Variants in GNB4 observed in about 807,000 individuals in gnomAD.
GNB4 encodes G protein subunit beta 4, also known as guanine nucleotide-binding protein subunit beta-4.
Under a neutral mutation model 45.2 loss-of-function variants are expected in GNB4, and 28 were observed. The ratio of observed to expected loss-of-function variants is 0.62; its 90% CI spans 0.46 to 0.85. GNB4 has a LOEUF of 0.85. Among genes scored for constraint, GNB4 ranks in the 40% least tolerant of loss-of-function variants. The pLI is 0.00. For synonymous variants in GNB4, 132 were observed against 143.7 expected (o/e 0.92, Z 0.58); for missense variants, 321 against 425.4 (o/e 0.75, Z 2.16).
chr3:179,441,914 TCTC>T (rs1187331420), intron 1 of GNB4, among the ~76,000 whole-genome samples: 4 of 151,872 alleles, frequency 2.6e-5, no homozygotes, highest in Non-Finnish European at 5.9e-5. Flanking sequence ...TTCAAGCAAT[TCTC>T]CTGCCTCAGC....
upstream of GNB4, among the ~76,000 whole-genome samples, chr3:179,451,943 T>C (rs141845546): frequency 5.4e-3 from 825 of 152,266 alleles, 8 homozygotes; most frequent in African/African-American, 0.019. Context: ...AACCTTGCGT[T>C]GCAGTCCCCG....
At chr3:179,422,463 G>GAAAA (rs1164930213) in intron 2 of GNB4, among the ~76,000 whole-genome samples, 1 of 130,330 alleles carries the variant, frequency 7.7e-6, no homozygotes, top group African/African-American at 2.9e-5. Context: ...CCTGTCTCTG[G>GAAAA]AAAAAAAAAA....
At chr3:179,444,528 C>T (rs2287208) in intron 1 of GNB4, among the ~76,000 whole-genome samples, 1 of 151,204 alleles carries the variant, frequency 6.6e-6, no homozygotes. Flanking sequence ...TCCTCAAGTA[C>T]TTAACTGCCT....
At chr3:179,478,250 T>C in the GNB4 span, among the ~76,000 whole-genome samples, 1 of 152,188 alleles carries the variant, frequency 6.6e-6, no homozygotes, top group Non-Finnish European at 1.5e-5. Context: ...CACCTCTTAA[T>C]GGTCTCACCT....
At chr3:179,461,875 A>G in the GNB4 span, among the ~76,000 whole-genome samples, 269 of 152,324 alleles carry the variant, frequency 1.8e-3, no homozygotes, top group Admixed American at 5.4e-3. Flanking sequence ...TGTATCCTTC[A>G]TGGCACCAAA....
At chr3:179,422,853 C>T (rs113211637) in intron 2 of GNB4, among the ~76,000 whole-genome samples, 2,369 of 152,150 alleles carry the variant, frequency 0.016, 72 homozygotes, top group African/African-American at 0.054. Flanking sequence ...AGTGCACTGG[C>T]GCCATCTTGG....
the GNB4 span, among the ~76,000 whole-genome samples, chr3:179,490,692 C>T: frequency 6.6e-6 from 1 of 152,106 alleles, no homozygotes; most frequent in Non-Finnish European, 1.5e-5. Flanking sequence ...GAGAGAGAGA[C>T]CAACCTGCCT....
intron 9 of GNB4, among the ~76,000 whole-genome samples, chr3:179,404,404 T>G (rs1248868538): frequency 6.6e-6 from 1 of 152,094 alleles, no homozygotes; most frequent in East Asian, 1.9e-4. Context: ...AATACAGGCA[T>G]GTTATTTAGA....
At chr3:179,411,580 C>T (rs1312362842) in intron 8 of GNB4, among the ~76,000 whole-genome samples, 2 of 151,644 alleles carry the variant, frequency 1.3e-5, no homozygotes, top group Admixed American at 1.3e-4. Context: ...AAATTCAACA[C>T]TCATTCCTCA....
chr3:179,509,517 T>G, the GNB4 span, among the ~76,000 whole-genome samples: 5 of 152,164 alleles, frequency 3.3e-5, no homozygotes, highest in Admixed American at 6.5e-5. Context: ...TCTCAAGTCA[T>G]GGTCATCCCA....
the GNB4 span, among the ~76,000 whole-genome samples, chr3:179,474,735 T>TC: frequency 1.6e-5 from 2 of 125,452 alleles, no homozygotes; most frequent in Non-Finnish European, 3.3e-5. Flanking sequence ...CCAGACTGGG[T>TC]CCTTTTTTTT....
At chr3:179,429,913 C>A (rs1001153434) in intron 1 of GNB4, among the ~76,000 whole-genome samples, 6 of 152,140 alleles carry the variant, frequency 3.9e-5, no homozygotes, top group African/African-American at 1.4e-4. Context: ...GACCTTCTCA[C>A]AAGCCCTCTT....
At chr3:179,502,972 T>G in the GNB4 span, among the ~76,000 whole-genome samples, 17 of 152,214 alleles carry the variant, frequency 1.1e-4, no homozygotes, top group African/African-American at 3.9e-4. Flanking sequence ...CCCAAGTAGC[T>G]AGGACTATAG....
At chr3:179,460,804 T>C in the GNB4 span, among the ~76,000 whole-genome samples, 1 of 152,012 alleles carries the variant, frequency 6.6e-6, no homozygotes, top group Non-Finnish European at 1.5e-5. Flanking sequence ...AGCTCTTCTA[T>C]AGTAATATAT....
the GNB4 span, among the ~76,000 whole-genome samples, chr3:179,517,856 C>T: frequency 3.3e-4 from 50 of 152,246 alleles, no homozygotes; most frequent in African/African-American, 9.4e-4. Context: ...CACGCAGGGA[C>T]GCCTGCCTGA....
chr3:179,495,003 T>C, the GNB4 span, among the ~76,000 whole-genome samples: 1 of 149,528 alleles, frequency 6.7e-6, no homozygotes. Flanking sequence ...TCCACAGCCA[T>C]GAAGCTCAAA....
the GNB4 span, among the ~76,000 whole-genome samples, chr3:179,478,786 G>A: frequency 3.9e-5 from 6 of 152,144 alleles, no homozygotes; most frequent in Non-Finnish European, 5.9e-5. Flanking sequence ...GGGCCTAGAG[G>A]GAGGTGATTG....
intron 1 of GNB4, among the ~76,000 whole-genome samples, chr3:179,439,358 A>C (rs1385392854): frequency 2.0e-5 from 3 of 152,212 alleles, no homozygotes; most frequent in Non-Finnish European, 2.9e-5. Context: ...CTGTGAAAGG[A>C]AAATAAATCT....
chr3:179,438,445 A>G (rs1187824312), intron 1 of GNB4, among the ~76,000 whole-genome samples: 1 of 152,172 alleles, frequency 6.6e-6, no homozygotes, highest in Non-Finnish European at 1.5e-5. Context: ...AATAATACAC[A>G]TTTTTTAATG....
Sources: allele counts gnomAD v4.1 joint callset (sites outside exome capture counted in the v4.1 genomes callset), GRCh38; gene constraint gnomAD v4.1.1; transcripts MANE v1.5; gene names NCBI Gene and HGNC (gene_info 2026-07-23, HGNC 2026-07-21).